Variants in ZDHHC15 observed in about 807,000 individuals in gnomAD.
ZDHHC15 encodes palmitoyltransferase ZDHHC15.
A neutral mutation model predicts 31.7 loss-of-function variants in ZDHHC15; 19 were observed. The observed-to-expected ratio is 0.60, with a 90% CI of 0.42 to 0.88. The LOEUF is 0.88. Ranked by LOEUF, ZDHHC15 falls within the 40% of genes least tolerant of loss-of-function variation. The pLI is 0.00. For missense variants in ZDHHC15, 209 were observed against 251.2 expected (o/e 0.83, Z 1.14); for synonymous variants, 103 against 90.0 (o/e 1.14, Z -0.82).
At chrX:75,492,645 C>T (rs2084918348) in intron 2 of ZDHHC15, among the ~76,000 whole-genome samples, 1 of 111,668 alleles carries the variant, frequency 9.0e-6, no homozygotes, top group Non-Finnish European at 1.9e-5. Flanking sequence ...AACTGGACAA[C>T]TACATGGAAA....
In ZDHHC15 at chrX:75,401,239, T is replaced by G. The variant is rs761023407; in HGVS notation, c.967+15848A>C. Among the ~76,000 whole-genome samples the G allele has an allele frequency of 2.8e-5, 3 of 105,856 alleles. No individual in the cohort carries two copies. The East Asian group carries it at 8.5e-4, about 30-fold the overall frequency. 91.9% of individuals were successfully genotyped at this position (105,856 alleles called of 115,157 possible). A position where few individuals can be genotyped will look rare whatever the true frequency, so the allele number is the denominator to read the frequency against. On this transcript the variant is annotated intron_variant, in intron 10 of 11. Transcript: ENST00000373367. The stretch of plus-strand genomic sequence containing the variant: ...TGCCTAATACATTAAAGCAGTCACT[T>G]TTCCTGTGCTGTTTCCAAAAAAAAA...
Position 75,368,435 on chromosome X carries a change from A to G in ZDHHC15, c.*4543T>C, listed in dbSNP as rs1208416536. 8.9e-6 allele frequency: 1 copy of G among 111,744 alleles called. No homozygotes were observed. The highest frequency in any genetic ancestry group is 1.9e-5 in the Non-Finnish European group (1 of 53,145). 9.2% of individuals were successfully genotyped at this position (111,744 alleles called of 1,213,427 possible). On this transcript the variant is annotated 3_prime_UTR_variant, in exon 12 of 12. Transcript: ENST00000373367. ...GGAAAAAAAACCAACAATTATATGCATATACTTTTAATGAAGGATATAGGA... is the reference window on the plus strand; with the variant it reads ...GGAAAAAAAACCAACAATTATATGCGTATACTTTTAATGAAGGATATAGGA...
intron 3 of ZDHHC15, among the ~76,000 whole-genome samples, chrX:75,475,928 T>G (rs947555343): frequency 2.0e-4 from 22 of 111,795 alleles, no homozygotes; most frequent in African/African-American, 6.8e-4. Flanking sequence ...AGTCTTTCAC[T>G]TTTTTGGTTA....
chrX:75,466,672 A>T (rs1486551810), intron 3 of ZDHHC15, among the ~76,000 whole-genome samples: 1 of 111,545 alleles, frequency 9.0e-6, no homozygotes, highest in Admixed American at 9.6e-5. Flanking sequence ...GACTGGATAG[A>T]GAAAATGTGG....
chrX:75,398,917 G>A (rs1164925060), intron 10 of ZDHHC15, among the ~76,000 whole-genome samples: 3 of 111,998 alleles, frequency 2.7e-5, no homozygotes, highest in Non-Finnish European at 5.6e-5. Flanking sequence ...TTCACTGGCC[G>A]GGACCTCCCA....
rs368494501 is a variant in ZDHHC15 at position 75,489,535 on chromosome X, C to T, written c.164-10550G>A. On this transcript the variant is annotated intron_variant, in intron 2 of 11. Transcript: ENST00000373367. ...ACAGACCTGCAGCTGAGGGTCCTCACTGTTAGAAGGAAAACTAACAAACAG... is the reference window on the plus strand; with the variant it reads ...ACAGACCTGCAGCTGAGGGTCCTCATTGTTAGAAGGAAAACTAACAAACAG... Among the ~76,000 whole-genome samples the T allele has an allele frequency of 2.7e-5, 3 of 112,179 alleles. No homozygotes were observed. In the East Asian group the frequency reaches 8.4e-4, roughly 31 times the overall value.
At chrX:75,389,144 C>T (rs1001255963) in intron 10 of ZDHHC15, among the ~76,000 whole-genome samples, 17 of 111,211 alleles carry the variant, frequency 1.5e-4, no homozygotes, top group Non-Finnish European at 2.3e-4. Flanking sequence ...CAGCTGGTGC[C>T]CACAGAGGGA....
chrX:75,509,837 AG>A, intron 1 of ZDHHC15, among the ~76,000 whole-genome samples: 1 of 112,535 alleles, frequency 8.9e-6, no homozygotes, highest in Non-Finnish European at 1.9e-5. Flanking sequence ...TTGTTTAGTG[AG>A]GTTACATTTT....
chrX:75,463,981 C>G (rs368166150), intron 3 of ZDHHC15, among the ~76,000 whole-genome samples: 2 of 111,709 alleles, frequency 1.8e-5, no homozygotes, highest in African/African-American at 6.5e-5. Context: ...AAGACACACG[C>G]ACGCGTATGT....
chrX:75,411,939 T>C (rs1049659114), intron 10 of ZDHHC15, among the ~76,000 whole-genome samples: 2 of 111,183 alleles, frequency 1.8e-5, no homozygotes, highest in African/African-American at 6.6e-5. Context: ...AAAAAACAAA[T>C]AAACAGATTA....
chrX:75,376,768 G>T (rs768230802), intron 11 of ZDHHC15, among the ~76,000 whole-genome samples: 2 of 111,441 alleles, frequency 1.8e-5, no homozygotes, highest in African/African-American at 3.3e-5. Flanking sequence ...ATTAAATTTT[G>T]TGTGTTGTAT....
intron 9 of ZDHHC15, among the ~76,000 whole-genome samples, chrX:75,419,285 C>T (rs1231653862): frequency 1.2e-4 from 13 of 111,497 alleles, no homozygotes; most frequent in Middle Eastern, 4.6e-3. Flanking sequence ...AAAAAGTGGG[C>T]GAAGGATATG....
intron 1 of ZDHHC15, among the ~76,000 whole-genome samples, chrX:75,507,040 C>G (rs150937829): frequency 0.011 from 1,250 of 110,880 alleles, 16 homozygotes; most frequent in African/African-American, 0.039. Context: ...GGTGAATTCT[C>G]CAGGTGGGGA....
At chrX:75,449,089 C>A (rs2084072759) in intron 4 of ZDHHC15, among the ~76,000 whole-genome samples, 1 of 110,042 alleles carries the variant, frequency 9.1e-6, no homozygotes, top group East Asian at 2.9e-4. Context: ...TTAACTCAGA[C>A]TATAATTACA....
chrX:75,480,995 T>G (rs945722865), intron 2 of ZDHHC15, among the ~76,000 whole-genome samples: 3 of 111,519 alleles, frequency 2.7e-5, no homozygotes, highest in African/African-American at 9.8e-5. Context: ...AATTCAAGAT[T>G]TTTTCAAGAG....
intron 1 of ZDHHC15, among the ~76,000 whole-genome samples, chrX:75,517,752 A>T (rs182586497): frequency 1.2e-3 from 129 of 107,003 alleles, no homozygotes; most frequent in East Asian, 9.6e-3. Flanking sequence ...ATAAAATTTT[A>T]AAAAAAAGCT....
intron 3 of ZDHHC15, among the ~76,000 whole-genome samples, chrX:75,462,649 A>G (rs747271809): frequency 8.9e-6 from 1 of 112,405 alleles, no homozygotes; most frequent in South Asian, 3.7e-4. Context: ...TGGAAATTGG[A>G]TAACCTGCTC....
At chrX:75,440,938 G>T in intron 4 of ZDHHC15, among the ~76,000 whole-genome samples, 1 of 111,320 alleles carries the variant, frequency 9.0e-6, no homozygotes, top group Non-Finnish European at 1.9e-5. Context: ...CATCATATAG[G>T]TCACCAGGGA....
chrX:75,502,345 A>C (rs1164556357), intron 2 of ZDHHC15: 1 of 111,515 alleles, frequency 9.0e-6, no homozygotes, highest in Non-Finnish European at 1.9e-5. Flanking sequence ...TAAAGACCTT[A>C]TACAAATAGT....
Sources: gnomAD v4.1 joint callset for allele counts (sites outside exome capture counted in the v4.1 genomes callset) on GRCh38, gnomAD v4.1.1 for gene constraint, MANE v1.5 for transcripts, NCBI Gene and HGNC (gene_info 2026-07-23, HGNC 2026-07-21) for gene names.